Variants in SGCZ observed in about 807,000 individuals in gnomAD.
SGCZ encodes the protein sarcoglycan zeta.
SGCZ carries 40 observed loss-of-function variants against 41.3 expected under a neutral mutation model. The ratio of observed to expected loss-of-function variants is 0.97; its 90% CI spans 0.75 to 1.26. The LOEUF (loss-of-function observed/expected upper bound fraction) is 1.26. Ranked by LOEUF, SGCZ falls within the 50% of genes most tolerant of loss-of-function variation. The pLI, the probability that SGCZ is intolerant of heterozygous loss-of-function variation, is 0.00. For synonymous variants in SGCZ, 206 were observed against 137.5 expected, an observed-to-expected ratio of 1.50 and a Z score of -3.49; for missense variants, 552 against 369.8, an observed-to-expected ratio of 1.49 and a Z score of -4.04.
rs191781136 is a variant in SGCZ at position 14,589,716 on chromosome 8, T to A, written c.40-34790A>T. 2.0e-5 allele frequency among the ~76,000 whole-genome samples: 3 copies of A among 152,324 alleles called. No individual in the cohort carries two copies. In the East Asian group the frequency reaches 5.8e-4, roughly 29 times the overall value. Reference sequence around the variant, plus strand: ...TCAGTGGACTACAACCCTGTAAATATTCTTAAGAAATTACAGTAAAAGAAA... The same window carrying A: ...TCAGTGGACTACAACCCTGTAAATAATCTTAAGAAATTACAGTAAAAGAAA... On this transcript the variant is annotated intron_variant, in intron 1 of 7. Transcript: ENST00000382080.
intron 2 of SGCZ, among the ~76,000 whole-genome samples, chr8:14,492,925 C>T (rs1801882532): frequency 6.6e-6 from 1 of 151,884 alleles, no homozygotes; most frequent in Admixed American, 6.6e-5. Context: ...CAGATTTTAC[C>T]TTCTCTATAG....
intron 1 of SGCZ, among the ~76,000 whole-genome samples, chr8:15,065,293 G>A (rs1805088392): frequency 6.6e-6 from 1 of 151,934 alleles, no homozygotes; most frequent in African/African-American, 2.4e-5. Context: ...CATTGTCGAG[G>A]CAGAATTAGA....
At chr8:15,050,256 G>C (rs544973584) in intron 1 of SGCZ, among the ~76,000 whole-genome samples, 3 of 152,156 alleles carry the variant, frequency 2.0e-5, no homozygotes, top group Non-Finnish European at 4.4e-5. Flanking sequence ...TTGAACATAT[G>C]AAAGTTGAGA....
At chr8:14,404,013 A>G (rs1286449723) in intron 2 of SGCZ, among the ~76,000 whole-genome samples, 1 of 152,210 alleles carries the variant, frequency 6.6e-6, no homozygotes, top group East Asian at 1.9e-4. Flanking sequence ...AAACAAGGAA[A>G]GAGAGAAGAT....
intron 1 of SGCZ, among the ~76,000 whole-genome samples, chr8:14,790,513 C>A (rs1197115659): frequency 1.3e-5 from 2 of 151,720 alleles, no homozygotes; most frequent in African/African-American, 4.8e-5. Context: ...GAAAATAGTC[C>A]AAAACATTTG....
chr8:14,307,109 C>T (rs183515234), intron 3 of SGCZ, among the ~76,000 whole-genome samples: 12 of 152,238 alleles, frequency 7.9e-5, no homozygotes, highest in Admixed American at 2.6e-4. Context: ...GCTATAATAA[C>T]TTTAACTTAA....
At chr8:14,942,554 A>G (rs1462830817) in intron 1 of SGCZ, among the ~76,000 whole-genome samples, 1 of 152,178 alleles carries the variant, frequency 6.6e-6, no homozygotes, top group Admixed American at 6.5e-5. Context: ...TTAAAGCTCC[A>G]AATATTTGAA....
Position 14,088,382 on chromosome 8 carries a change from T to C in SGCZ, c.*2061A>G, listed in dbSNP as rs1174534871. Among the ~76,000 whole-genome samples the C allele has an allele frequency of 6.6e-5, 10 of 151,832 alleles. No individual in the cohort carries two copies. The highest frequency in any genetic ancestry group is 6.6e-4 in the Admixed American group (10 of 15,212). On this transcript the variant is annotated 3_prime_UTR_variant, in exon 8 of 8. Transcript: ENST00000382080. ...ATTTGACTTAGAAAGTTTCTAATTGTTTTAATGGAAGGATGATTAGAACTT... is the reference window on the plus strand; with the variant it reads ...ATTTGACTTAGAAAGTTTCTAATTGCTTTAATGGAAGGATGATTAGAACTT...
chr8:15,168,069 T>C (rs1398285357), intron 1 of SGCZ, among the ~76,000 whole-genome samples: 1 of 151,984 alleles, frequency 6.6e-6, no homozygotes, highest in Non-Finnish European at 1.5e-5. Context: ...AAGACATCCT[T>C]TCCTCTCTCT....
intron 1 of SGCZ, among the ~76,000 whole-genome samples, chr8:14,744,655 C>T (rs1308931970): frequency 6.6e-6 from 1 of 152,148 alleles, no homozygotes; most frequent in African/African-American, 2.4e-5. Context: ...CTTGGAACTA[C>T]TGGCTCAGAG....
chr8:14,333,599 A>G (rs898370161), intron 2 of SGCZ, among the ~76,000 whole-genome samples: 18 of 152,148 alleles, frequency 1.2e-4, no homozygotes, highest in African/African-American at 3.1e-4. Context: ...CATAGTACAC[A>G]TTAGCATATT....
intron 1 of SGCZ, among the ~76,000 whole-genome samples, chr8:14,811,501 G>A (rs1214539828): frequency 5.6e-5 from 7 of 125,142 alleles, no homozygotes; most frequent in Admixed American, 1.8e-4. Flanking sequence ...TGAAACATTC[G>A]CTGAAAGACA....
chr8:14,449,405 C>A (rs1234237613), intron 2 of SGCZ, among the ~76,000 whole-genome samples: 2 of 152,092 alleles, frequency 1.3e-5, no homozygotes, highest in Non-Finnish European at 2.9e-5. Flanking sequence ...TCATTTGTGT[C>A]CCAATATTTG....
At chr8:14,479,437 G>A (rs1429023307) in intron 2 of SGCZ, among the ~76,000 whole-genome samples, 1 of 152,090 alleles carries the variant, frequency 6.6e-6, no homozygotes, top group Non-Finnish European at 1.5e-5. Flanking sequence ...GGGTGGGTTT[G>A]GGTCTCCCAG....
intron 1 of SGCZ, among the ~76,000 whole-genome samples, chr8:14,977,384 C>G (rs1260946036): frequency 3.3e-5 from 5 of 152,196 alleles, no homozygotes; most frequent in African/African-American, 7.2e-5. Context: ...CACTAAACAG[C>G]TATTTAATAT....
chr8:14,405,261 T>C (rs1799181737), intron 2 of SGCZ, among the ~76,000 whole-genome samples: 1 of 152,176 alleles, frequency 6.6e-6, no homozygotes, highest in Non-Finnish European at 1.5e-5. Context: ...ACAAATAAAA[T>C]GTAGTTTAAT....
At chr8:15,024,490 G>C (rs369638237) in intron 1 of SGCZ, among the ~76,000 whole-genome samples, 1 of 152,070 alleles carries the variant, frequency 6.6e-6, no homozygotes, top group African/African-American at 2.4e-5. Flanking sequence ...TTATACTCTC[G>C]AAATTGAAGA....
At chr8:14,985,338 C>G (rs1379610553) in intron 1 of SGCZ, among the ~76,000 whole-genome samples, 1 of 152,094 alleles carries the variant, frequency 6.6e-6, no homozygotes. Context: ...CCGTTTTATA[C>G]ATGAGAAGGC....
At chr8:14,181,003 A>G (rs559849005) in intron 4 of SGCZ, among the ~76,000 whole-genome samples, 5 of 152,258 alleles carry the variant, frequency 3.3e-5, no homozygotes, top group East Asian at 1.9e-4. Flanking sequence ...GAGCAGTCAT[A>G]GAGTCGATAC....
Sources: allele counts gnomAD v4.1 joint callset (sites outside exome capture counted in the v4.1 genomes callset), GRCh38; gene constraint gnomAD v4.1.1; transcripts MANE v1.5; gene names NCBI Gene and HGNC (gene_info 2026-07-23, HGNC 2026-07-21).